The following ZNF385C variants were observed in gnomAD, a reference collection of about 807,000 sequenced individuals.
ZNF385C encodes zinc finger protein 385C, also known as CTD-2132N18.2.
A neutral mutation model predicts 35.4 loss-of-function variants in ZNF385C; 28 were observed. That is an observed-to-expected ratio of 0.79 (90% confidence interval 0.59 to 1.08). The LOEUF (loss-of-function observed/expected upper bound fraction) is 1.08. ZNF385C is among the 50% of genes least tolerant of loss of function. The pLI, the probability that ZNF385C is intolerant of heterozygous loss-of-function variation, is 0.00. For missense variants in ZNF385C, 605 were observed against 595.6 expected, an observed-to-expected ratio of 1.02 and a Z score of -0.16; for synonymous variants, 248 against 248.2, an observed-to-expected ratio of 1.00 and a Z score of 0.01.
chr17:42,034,080 T>C (rs1421618081), intron 4 of ZNF385C, 145 bp downstream of exon 4: 2 of 682,454 alleles, frequency 2.9e-6, no homozygotes, highest in African/African-American at 1.8e-5. Flanking sequence ...GGACCAAGAG[T>C]GCCTCTTCTG....
intron 2 of ZNF385C, chr17:42,040,263 G>GAGCCACTCCAAGCCCCGGACCGC: frequency 8.1e-7 from 1 of 1,231,644 alleles, no homozygotes; most frequent in Non-Finnish European, 1.0e-6. Flanking sequence ...AGGATCCCCG[G>GAGCCACTCCAAGCCCCGGACCGC]AGCCACTCCA....
At chr17:42,035,540 AC>A (rs1368854569) in intron 3 of ZNF385C, among the ~76,000 whole-genome samples, 1 of 123,226 alleles carries the variant, frequency 8.1e-6, no homozygotes, top group African/African-American at 3.1e-5. Context: ...GCTGCTGACG[AC>A]CTTTTTTTTT....
chr17:42,061,765 G>T (rs2053465748), intron 2 of ZNF385C: 1 of 152,650 alleles, frequency 6.6e-6, no homozygotes, highest in East Asian at 1.9e-4. Flanking sequence ...CTTTCCTGCT[G>T]CCCCCAGGGA....
At chr17:42,089,989 G>A (rs763948763) in intron 1 of ZNF385C, among the ~76,000 whole-genome samples, 2 of 152,092 alleles carry the variant, frequency 1.3e-5, no homozygotes, top group Admixed American at 6.6e-5. Flanking sequence ...AACATCCTTC[G>A]GGTCAAAATA....
intron 1 of ZNF385C, among the ~76,000 whole-genome samples, chr17:42,067,874 C>A (rs769758051): frequency 2.6e-5 from 4 of 152,152 alleles, no homozygotes; most frequent in Non-Finnish European, 5.9e-5. Flanking sequence ...AGCTGCCTGC[C>A]CCGCCAGCAT....
At chr17:42,054,691 C>T (rs1171550997) in intron 2 of ZNF385C, among the ~76,000 whole-genome samples, 2 of 151,754 alleles carry the variant, frequency 1.3e-5, no homozygotes, top group African/African-American at 4.8e-5. Context: ...AAGCAATTCT[C>T]CTGCCTCAGC....
At chr17:42,048,587 A>T (rs369626391) in intron 2 of ZNF385C, among the ~76,000 whole-genome samples, 65 of 152,014 alleles carry the variant, frequency 4.3e-4, no homozygotes, top group African/African-American at 1.4e-3. Context: ...TCTCCCAATC[A>T]TCCCTGTCTC....
rs2143468631 is a variant in ZNF385C at position 42,025,607 on chromosome 17, GT to G, written c.*1289del. 1 of 152,572 alleles carries G rather than the reference GT, an allele frequency of 6.6e-6. No homozygotes were observed. The highest frequency in any genetic ancestry group is 2.1e-4 in the South Asian group (1 of 4,808). 9.5% of individuals were successfully genotyped at this position (152,572 alleles called of 1,614,324 possible). On this transcript the variant is annotated 3_prime_UTR_variant, in exon 9 of 9. Transcript: ENST00000692273. ...TTCAAGTTCATTTATTGATGCATTGGTTGGACACAATAAAACCACAATTGTT... is the reference window on the plus strand; with the variant it reads ...TTCAAGTTCATTTATTGATGCATTGGTGGACACAATAAAACCACAATTGTT...
At position 42,078,250 on chromosome 17, in the gene ZNF385C, A is replaced by G. The variant is rs144103940; in HGVS notation, c.-2-15192T>C. Among the ~76,000 whole-genome samples the G allele has an allele frequency of 3.6e-4, 55 of 152,064 alleles. 1 individual carries two copies. In the East Asian group the frequency reaches 7.4e-3, roughly 20 times the overall value. On this transcript the variant is annotated intron_variant, in intron 1 of 8. Coordinates refer to ENST00000692273, the MANE Select transcript of ZNF385C (RefSeq NM_001392013.1). ...GGATCCCTGGCTGGGCTGATTTTCT[A>G]CGCCTTCTGACTGGCCTCACAACCT...
At chr17:42,051,417 G>A (rs563114314) in intron 2 of ZNF385C, among the ~76,000 whole-genome samples, 1 of 152,230 alleles carries the variant, frequency 6.6e-6, no homozygotes, top group East Asian at 1.9e-4. Flanking sequence ...AGAGGAATGT[G>A]CAGACGTGGA....
At position 42,026,032 on chromosome 17, in the gene ZNF385C, C is replaced by G. The variant is rs1352659353; in HGVS notation, c.*865G>C. 3 of 152,094 alleles carry G rather than the reference C, an allele frequency of 2.0e-5. No homozygotes were observed. The highest frequency in any genetic ancestry group is 4.4e-5 in the Non-Finnish European group (3 of 68,074). The allele number at this position is 152,094 out of a possible 1,614,324, so 9.4% of individuals were successfully genotyped here. On this transcript the variant is annotated 3_prime_UTR_variant, in exon 9 of 9. Transcript: ENST00000692273. Reference sequence around the variant, plus strand: ...CTCCAAGAGTTGGGGTTCAGGAAGTCAGAGAAAGGCTAAGAAGAAGAGCTT... The same window carrying G: ...CTCCAAGAGTTGGGGTTCAGGAAGTGAGAGAAAGGCTAAGAAGAAGAGCTT...
In ZNF385C at chr17:42,047,401, C is replaced by T. The variant is rs577475119; in HGVS notation, c.251-9516G>A. On this transcript the variant is annotated intron_variant, in intron 2 of 8. Coordinates refer to ENST00000692273, the MANE Select transcript of ZNF385C (RefSeq NM_001392013.1). ...TGTTGACCAGGCTGATCTCGAACTCCCGACCTCAGATGATCCGCCCATCTC... is the reference window on the plus strand; with the variant it reads ...TGTTGACCAGGCTGATCTCGAACTCTCGACCTCAGATGATCCGCCCATCTC... 9.1e-4 allele frequency among the ~76,000 whole-genome samples: 138 copies of T among 152,008 alleles called. 2 individuals are homozygous for T. The highest frequency in any genetic ancestry group is 2.9e-3 in the South Asian group (14 of 4,814).
chr17:42,045,935 A>G (rs2053150900), intron 2 of ZNF385C, among the ~76,000 whole-genome samples: 2 of 152,142 alleles, frequency 1.3e-5, no homozygotes, highest in Non-Finnish European at 2.9e-5. Context: ...CTGCCCAATC[A>G]ATCCTGAAGG....
rs1434864769 is a variant in ZNF385C, at chr17:42,043,561, A to G, written c.251-5676T>C. On this transcript the variant is annotated intron_variant, in intron 2 of 8. Transcript: ENST00000692273. ...AGTTTATTCCTGCTCTGCCGGTGGG[A>G]GACTGGAGATGAAAGAGACAGGCAG... The G allele has an allele frequency of 1.0e-4, 44 of 432,300 alleles. No individual in the cohort carries two copies. The Admixed American group carries it at 1.6e-3, about 16-fold the overall frequency. 26.8% of individuals were successfully genotyped at this position (432,300 alleles called of 1,614,324 possible). A position where few individuals can be genotyped will look rare whatever the true frequency, so the allele number is the denominator to read the frequency against.
intron 1 of ZNF385C, among the ~76,000 whole-genome samples, chr17:42,089,404 T>C (rs1015205422): frequency 2.0e-5 from 3 of 152,210 alleles, no homozygotes; most frequent in Non-Finnish European, 4.4e-5. Flanking sequence ...CTTCACCCTT[T>C]GCTTTAGGAG....
intron 7 of ZNF385C, 149 bp from the exon 8 acceptor site, chr17:42,027,877 G>A (rs2052629936): frequency 8.4e-7 from 1 of 1,187,704 alleles, no homozygotes; most frequent in Non-Finnish European, 1.2e-6. Context: ...GCCCTGGGAA[G>A]GGGAGGTGAG....
At chr17:42,094,903 T>C (rs534970411) in intron 1 of ZNF385C, among the ~76,000 whole-genome samples, 1 of 151,978 alleles carries the variant, frequency 6.6e-6, no homozygotes, top group Non-Finnish European at 1.5e-5. Flanking sequence ...TCACCCAAGG[T>C]GAATGAAAAG....
intron 2 of ZNF385C, among the ~76,000 whole-genome samples, chr17:42,041,958 C>A (rs551183662): frequency 3.3e-5 from 5 of 152,304 alleles, no homozygotes; most frequent in African/African-American, 1.2e-4. Flanking sequence ...TGCTTTTCAA[C>A]ACAAGTCACA....
chr17:42,055,460 G>A (rs1166026864), intron 2 of ZNF385C, among the ~76,000 whole-genome samples: 1 of 152,044 alleles, frequency 6.6e-6, no homozygotes, highest in Non-Finnish European at 1.5e-5. Flanking sequence ...GATGACATTC[G>A]GGAAGAGCGT....
Sources: gnomAD v4.1 joint callset for allele counts (sites outside exome capture counted in the v4.1 genomes callset) on GRCh38, gnomAD v4.1.1 for gene constraint, MANE v1.5 for transcripts, NCBI Gene and HGNC (gene_info 2026-07-23, HGNC 2026-07-21) for gene names.